SIMC1: variants seen among roughly 807,000 people sequenced by gnomAD.
SIMC1 encodes SUMO-interacting motif-containing protein 1.
Under a neutral mutation model 82.3 loss-of-function variants are expected in SIMC1, and 55 were observed. That is an observed-to-expected ratio of 0.67 (90% CI 0.54 to 0.84). The LOEUF (loss-of-function observed/expected upper bound fraction) is 0.84, where lower values mean the gene tolerates loss of function less well. Ranked by LOEUF, SIMC1 falls within the 40% of genes least tolerant of loss-of-function variation. The probability of loss-of-function intolerance (pLI) is 0.00; values close to 1 mark genes in which losing one functional copy is unlikely to be tolerated. For synonymous variants in SIMC1, 353 were observed against 426.3 expected (o/e 0.83, Z 2.12); for missense variants, 915 against 1,107.2 (o/e 0.83, Z 2.46).
At chr5:176,299,683 A>G (rs555986845) in intron 4 of SIMC1, among the ~76,000 whole-genome samples, 2 of 152,366 alleles carry the variant, frequency 1.3e-5, no homozygotes, top group African/African-American at 4.8e-5. Context: ...CAATAATAGT[A>G]GGAGATTCAG....
Position 176,313,845 on chromosome 5 carries a change from G to A in SIMC1, c.1889G>A (p.Arg630Lys). The A allele has an allele frequency of 6.2e-7, 1 of 1,613,312 alleles. No homozygotes were observed. Among genetic ancestry groups the A allele is most frequent in the Non-Finnish European group, 8.5e-7 (1 of 1,179,858 alleles). Reference sequence around the variant, plus strand: ...TGTGACAAGCAGCCCCACAATGTCAGGTAAGCAGCCACCTGAGCCCTCGGA... The same window carrying A: ...TGTGACAAGCAGCCCCACAATGTCAAGTAAGCAGCCACCTGAGCCCTCGGA... ...LSCDKQPHNV[R>K]DVIKWLVKAV... The change falls in exon 5 of 10, where the codon AGG becomes AAG. Residue 630 changes from arginine to lysine, a missense_variant and splice_region_variant. Physicochemically the swap from Arg to Lys is conservative, Grantham distance 26. Around this residue, in one of 2 missense-constraint regions of SIMC1, gnomAD observed 902 missense variants for 1,040.3 expected, o/e 0.87. Transcript: ENST00000429602.
At chr5:176,327,832 A>G (rs953993123) in intron 7 of SIMC1, among the ~76,000 whole-genome samples, 2 of 152,208 alleles carry the variant, frequency 1.3e-5, no homozygotes, top group African/African-American at 2.4e-5. Context: ...GTCTCCATCT[A>G]TTGAGATAAT....
At chr5:176,311,538 C>G (rs542422449) in intron 4 of SIMC1, among the ~76,000 whole-genome samples, 1 of 151,264 alleles carries the variant, frequency 6.6e-6, no homozygotes, top group South Asian at 2.1e-4. Flanking sequence ...TGACTATGCC[C>G]AGCCCACATT....
intron 9 of SIMC1, among the ~76,000 whole-genome samples, chr5:176,344,865 A>G (rs1766359525): frequency 6.6e-6 from 1 of 152,228 alleles, no homozygotes; most frequent in Admixed American, 6.5e-5. Flanking sequence ...ACTATTGGCT[A>G]AAACATGGAC....
intron 9 of SIMC1, among the ~76,000 whole-genome samples, chr5:176,338,877 GCTAA>G (rs1177404704): frequency 2.0e-5 from 3 of 152,082 alleles, no homozygotes; most frequent in Non-Finnish European, 4.4e-5. Context: ...GTGTTGGGCA[GCTAA>G]CTGTGTCTCT....
intron 1 of SIMC1, among the ~76,000 whole-genome samples, chr5:176,281,164 G>A (rs765580444): frequency 6.6e-6 from 1 of 151,972 alleles, no homozygotes; most frequent in African/African-American, 2.4e-5. Flanking sequence ...TTCCCTTCTT[G>A]CTTCATTTCA....
chr5:176,317,960 C>G (rs1017821529), intron 5 of SIMC1, among the ~76,000 whole-genome samples: 3 of 152,066 alleles, frequency 2.0e-5, no homozygotes, highest in East Asian at 1.9e-4. Flanking sequence ...GGAGCAGGCC[C>G]GAGCAAGCAA....
chr5:176,256,734 C>G (rs1181911291), intron 1 of SIMC1, among the ~76,000 whole-genome samples: 2 of 152,046 alleles, frequency 1.3e-5, no homozygotes, highest in South Asian at 2.1e-4. Context: ...AAACAATTAT[C>G]TTTTCTCCAA....
rs995239131 is a variant in SIMC1, at chr5:176,308,559, G to A, written c.1735-5132G>A. On this transcript the variant is annotated intron_variant, in intron 4 of 9. Transcript: ENST00000429602. ...CATAGAAGATAAGAACACAAGGGCT[G>A]GCCGGGTACTCTACACTTGCTTCCA... 6 of 1,595,998 alleles carry A rather than the reference G, an allele frequency of 3.8e-6. No individual in the cohort carries two copies. The Admixed American group carries it at 5.1e-5, about 13-fold the overall frequency.
At chr5:176,335,552 A>G (rs972779806) in intron 7 of SIMC1, among the ~76,000 whole-genome samples, 3 of 151,756 alleles carry the variant, frequency 2.0e-5, no homozygotes, top group African/African-American at 7.3e-5. Flanking sequence ...TGCTAGGATT[A>G]CAGGCATGAG....
At chr5:176,305,983 G>C (rs1322627200) in intron 4 of SIMC1, among the ~76,000 whole-genome samples, 1 of 70,974 alleles carries the variant, frequency 1.4e-5, no homozygotes, top group Non-Finnish European at 3.1e-5. Flanking sequence ...GGAGGGAGGT[G>C]GGGGGGTCAG....
At position 176,310,465 on chromosome 5, in the gene SIMC1, G is replaced by T. The variant is rs1456080264; in HGVS notation, c.1735-3226G>T. ...ATCCATAACTTGGAATACTGCTCTG[G>T]AATGAAAAGGAACTAACTGTTGGTT... is the stretch of plus-strand genomic sequence containing the variant. On this transcript the variant is annotated intron_variant, in intron 4 of 9. Transcript: ENST00000429602. 1.3e-5 allele frequency among the ~76,000 whole-genome samples: 2 copies of T among 152,148 alleles called. 1 individual carries two copies. Among genetic ancestry groups the T allele is most frequent in the Admixed American group, 1.3e-4 (2 of 15,274 alleles).
chr5:176,252,223 C>CT (rs1479643414), intron 1 of SIMC1, among the ~76,000 whole-genome samples: 1 of 151,134 alleles, frequency 6.6e-6, no homozygotes, highest in Non-Finnish European at 1.5e-5. Context: ...GACCGCCCCC[C>CT]CCACCTCCCT....
chr5:176,306,943 A>G (rs1354295179), intron 4 of SIMC1, among the ~76,000 whole-genome samples: 1 of 151,980 alleles, frequency 6.6e-6, no homozygotes, highest in Admixed American at 6.6e-5. Context: ...ATAATAAAGA[A>G]CTCCAGCAAC....
At chr5:176,275,421 A>G (rs112895251) in intron 1 of SIMC1, among the ~76,000 whole-genome samples, 17 of 151,980 alleles carry the variant, frequency 1.1e-4, no homozygotes, top group East Asian at 1.9e-4. Context: ...TCTGCAAACA[A>G]GGACAATTTG....
At chr5:176,287,779 G>T (rs1469493341) in intron 1 of SIMC1, among the ~76,000 whole-genome samples, 3 of 151,732 alleles carry the variant, frequency 2.0e-5, no homozygotes, top group Non-Finnish European at 4.4e-5. Flanking sequence ...TAGCAAGGTT[G>T]CAGGATACAG....
intron 7 of SIMC1, among the ~76,000 whole-genome samples, chr5:176,334,340 T>G (rs1365329220): frequency 6.6e-6 from 1 of 152,226 alleles, no homozygotes; most frequent in African/African-American, 2.4e-5. Flanking sequence ...CTGTTGAGGC[T>G]TGTTTCTAGG....
intron 1 of SIMC1, among the ~76,000 whole-genome samples, chr5:176,259,665 C>T (rs1416964184): frequency 6.6e-6 from 1 of 150,982 alleles, no homozygotes; most frequent in African/African-American, 2.4e-5. Context: ...CCCACCTACT[C>T]TGGAGGCTGA....
chr5:176,260,563 A>G (rs1480649704), intron 1 of SIMC1, among the ~76,000 whole-genome samples: 23 of 152,100 alleles, frequency 1.5e-4, no homozygotes, highest in East Asian at 1.9e-4. Flanking sequence ...ATCCTCTTGC[A>G]TGGTCATTAA....
Sources: allele counts gnomAD v4.1 joint callset (sites outside exome capture counted in the v4.1 genomes callset), GRCh38; gene constraint gnomAD v4.1.1; regional missense constraint gnomAD v4.1.1; transcripts MANE v1.5; gene names NCBI Gene and HGNC (gene_info 2026-07-23, HGNC 2026-07-21).